The following LRRC4C variants were observed in gnomAD, a reference collection of about 807,000 sequenced individuals.
LRRC4C encodes leucine-rich repeat-containing protein 4C.
Under a neutral mutation model 33.6 loss-of-function variants are expected in LRRC4C, and 5 were observed. The observed-to-expected ratio is 0.15, with a 90% CI of 0.08 to 0.31. LRRC4C has a LOEUF of 0.31. LRRC4C is among the 10% of genes least tolerant of loss of function. The pLI is 1.00. For synonymous variants in LRRC4C, 329 were observed against 302.0 expected (o/e 1.09, Z -0.93); for missense variants, 560 against 796.7 (o/e 0.70, Z 3.58).
rs149594528 is a variant in LRRC4C at position 40,490,035 on chromosome 11, C to T, written c.-270+158107G>A. Among the ~76,000 whole-genome samples the T allele has an allele frequency of 8.6e-3, 1,312 of 152,172 alleles. 13 individuals carry two copies. Among genetic ancestry groups the T allele is most frequent in the African/African-American group, 0.026 (1,092 of 41,532 alleles). On this transcript the variant is annotated intron_variant, in intron 3 of 6. Transcript: ENST00000528697. Reference sequence around the variant, plus strand: ...ACTCTCCTTCCTCAGTTGCCTTTTGCAGAAGGAACTACTCATGATCAGTGC... The same window carrying T: ...ACTCTCCTTCCTCAGTTGCCTTTTGTAGAAGGAACTACTCATGATCAGTGC...
chr11:40,440,038 G>C (rs1951321612), intron 3 of LRRC4C, among the ~76,000 whole-genome samples: 1 of 152,216 alleles, frequency 6.6e-6, no homozygotes. Flanking sequence ...CAGTTGAACA[G>C]TTGCAATAGA....
intron 2 of LRRC4C, among the ~76,000 whole-genome samples, chr11:40,701,654 T>C (rs1467621284): frequency 6.7e-6 from 1 of 149,730 alleles, no homozygotes. Context: ...ATATAAAACA[T>C]AAAGATTTTA....
chr11:41,421,732 C>A (rs2138328950), intron 1 of LRRC4C, among the ~76,000 whole-genome samples: 1 of 152,058 alleles, frequency 6.6e-6, no homozygotes, highest in African/African-American at 2.4e-5. Flanking sequence ...AATAATCCAC[C>A]AAGAATCTTT....
intron 1 of LRRC4C, among the ~76,000 whole-genome samples, chr11:41,092,649 C>T (rs1158046131): frequency 6.6e-6 from 1 of 152,122 alleles, no homozygotes; most frequent in Non-Finnish European, 1.5e-5. Context: ...CTGATTCTGC[C>T]AATGTTGAAT....
chr11:40,670,809 G>T (rs1944055057), intron 2 of LRRC4C, among the ~76,000 whole-genome samples: 1 of 152,132 alleles, frequency 6.6e-6, no homozygotes. Flanking sequence ...TGTCGCCCAG[G>T]CTGGAGTGCA....
intron 1 of LRRC4C, among the ~76,000 whole-genome samples, chr11:41,447,325 T>G (rs564338621): frequency 1.4e-4 from 21 of 152,308 alleles, no homozygotes; most frequent in African/African-American, 5.1e-4. Flanking sequence ...GGGCATAGAA[T>G]CAATACATGA....
intron 3 of LRRC4C, among the ~76,000 whole-genome samples, chr11:40,567,313 A>T (rs905781802): frequency 1.3e-5 from 2 of 152,144 alleles, no homozygotes; most frequent in African/African-American, 4.8e-5. Flanking sequence ...TGAAGACAGG[A>T]TGAAAAAGGG....
intron 5 of LRRC4C, among the ~76,000 whole-genome samples, chr11:40,149,463 T>C (rs1259287933): frequency 6.6e-6 from 1 of 152,122 alleles, no homozygotes; most frequent in East Asian, 1.9e-4. Context: ...AATGGGATTA[T>C]GTTCCTGATT....
intron 1 of LRRC4C, among the ~76,000 whole-genome samples, chr11:41,132,648 G>T (rs1218563422): frequency 6.6e-6 from 1 of 152,048 alleles, no homozygotes; most frequent in South Asian, 2.1e-4. Flanking sequence ...TGGGTGGTTT[G>T]TTTCCTTCAT....
chr11:41,120,110 A>T (rs1942345016), intron 1 of LRRC4C, among the ~76,000 whole-genome samples: 1 of 152,086 alleles, frequency 6.6e-6, no homozygotes, highest in Admixed American at 6.6e-5. Context: ...TGGCCTTAAA[A>T]TTTTTCACAA....
intron 4 of LRRC4C, among the ~76,000 whole-genome samples, chr11:40,259,579 G>A (rs1487717823): frequency 7.2e-5 from 11 of 151,986 alleles, no homozygotes; most frequent in Admixed American, 2.0e-4. Flanking sequence ...ATCTTGAATT[G>A]ATTTTTGTAT....
At chr11:41,115,943 T>C (rs1280028564) in intron 1 of LRRC4C, among the ~76,000 whole-genome samples, 1 of 152,130 alleles carries the variant, frequency 6.6e-6, no homozygotes, top group African/African-American at 2.4e-5. Context: ...ATGATTATCC[T>C]GTTCCAAAGG....
chr11:41,436,893 C>T (rs189888133), intron 1 of LRRC4C, among the ~76,000 whole-genome samples: 1 of 152,084 alleles, frequency 6.6e-6, no homozygotes, highest in Non-Finnish European at 1.5e-5. Flanking sequence ...GGGAAAGAAA[C>T]AATCACCAAT....
intron 1 of LRRC4C, among the ~76,000 whole-genome samples, chr11:41,027,072 T>C (rs150014886): frequency 6.6e-6 from 1 of 151,798 alleles, no homozygotes; most frequent in African/African-American, 2.4e-5. Flanking sequence ...GTAAGTAGTT[T>C]TGTAACAAAA....
At chr11:41,095,966 T>C (rs1028191234) in intron 1 of LRRC4C, among the ~76,000 whole-genome samples, 1 of 152,192 alleles carries the variant, frequency 6.6e-6, no homozygotes, top group Non-Finnish European at 1.5e-5. Context: ...TAAGCATAGT[T>C]ATTCACTCAA....
chr11:40,267,434 C>A (rs1391310765), intron 4 of LRRC4C, among the ~76,000 whole-genome samples: 1 of 152,178 alleles, frequency 6.6e-6, no homozygotes, highest in Non-Finnish European at 1.5e-5. Flanking sequence ...TCACTGCAAG[C>A]TCTGCCTCCC....
In LRRC4C at chr11:40,679,990, TA is replaced by T. The variant is rs994470369; in HGVS notation, c.-406-31713del. ...AACGCCAGCCCGTGAAAGCAGCTAT[TA>T]GGGGGGATATACCTTGCAAAGCCCT... On this transcript the variant is annotated intron_variant, in intron 2 of 6. Coordinates refer to ENST00000528697, the MANE Select transcript of LRRC4C (RefSeq NM_001258419.2). Among the ~76,000 whole-genome samples the T allele has an allele frequency of 3.3e-5, 5 of 152,128 alleles. No individual in the cohort carries two copies. The East Asian group carries it at 5.8e-4, about 18-fold the overall frequency.
chr11:41,049,988 A>T (rs879614536), intron 1 of LRRC4C, among the ~76,000 whole-genome samples: 4 of 152,182 alleles, frequency 2.6e-5, no homozygotes, highest in African/African-American at 9.7e-5. Flanking sequence ...AGCTCATCAT[A>T]TGGAATATGG....
chr11:40,422,670 T>C (rs1409531806), intron 3 of LRRC4C, among the ~76,000 whole-genome samples: 1 of 149,414 alleles, frequency 6.7e-6, no homozygotes, highest in African/African-American at 2.5e-5. Context: ...TAAAGGTACT[T>C]AAGCCCGTTA....
Sources: allele counts gnomAD v4.1 joint callset (sites outside exome capture counted in the v4.1 genomes callset), GRCh38; gene constraint gnomAD v4.1.1; transcripts MANE v1.5; gene names NCBI Gene and HGNC (gene_info 2026-07-23, HGNC 2026-07-21).